The following LRRC7 variants were observed in gnomAD, a reference collection of about 807,000 sequenced individuals.
LRRC7 encodes the protein leucine-rich repeat-containing protein 7.
In LRRC7, 23 loss-of-function variants were observed where a neutral mutation model predicts 175.7. That is an observed-to-expected ratio of 0.13 (90% CI 0.09 to 0.19). The LOEUF (loss-of-function observed/expected upper bound fraction) is 0.19, where lower values mean the gene tolerates loss of function less well. Among genes scored for constraint, LRRC7 ranks in the 10% least tolerant of loss-of-function variants. The pLI is 1.00. For missense variants in LRRC7, 1,354 were observed against 1,904.7 expected (o/e 0.71, Z 5.38); for synonymous variants, 685 against 680.9 (o/e 1.01, Z -0.09).
chr1:69,766,322 A>G lies in LRRC7; in HGVS notation c.303+5929A>G, dbSNP rs144492538. On this transcript the variant is annotated intron_variant, in intron 3 of 26. Transcript: ENST00000651989. The stretch of plus-strand genomic sequence containing the variant: ...AAACCTATTTGCTCTAATGAACAGA[A>G]GACAAAGAGAGCAATTTACTGTGTA... Among the ~76,000 whole-genome samples, 156 of 152,274 alleles carry G rather than the reference A, an allele frequency of 1.0e-3. 2 individuals are homozygous for G. Among genetic ancestry groups the G allele is most frequent in the African/African-American group, 3.6e-3 (148 of 41,572 alleles).
intron 16 of LRRC7, among the ~76,000 whole-genome samples, chr1:70,021,819 T>C (rs1485404263): frequency 6.6e-6 from 1 of 152,200 alleles, no homozygotes; most frequent in Non-Finnish European, 1.5e-5. Flanking sequence ...TCAGAATTGA[T>C]TTAGATTTTC....
In LRRC7 at chr1:69,799,102, G is replaced by GTTT. The variant is rs34579269; in HGVS notation, c.421+6956_421+6958dup. Among the ~76,000 whole-genome samples, 371 of 136,112 alleles carry GTTT rather than the reference G, an allele frequency of 2.7e-3. 2 individuals are homozygous for GTTT. The highest frequency in any genetic ancestry group is 9.7e-3 in the African/African-American group (361 of 37,154). The allele number at this position is 136,112 out of a possible 152,430, so 89.3% of individuals were successfully genotyped here. On this transcript the variant is annotated intron_variant, in intron 4 of 26. Coordinates refer to ENST00000651989, the MANE Select transcript of LRRC7 (RefSeq NM_001370785.2). ...AAAGATTTATATACTCTGAATGCTAGTTTTTTTTTTTTTTTTGATTATGTG... is the reference window on the plus strand; with the variant it reads ...AAAGATTTATATACTCTGAATGCTAGTTTTTTTTTTTTTTTTTTTGATTATGTG...
At chr1:70,053,939 A>G (rs1660935354) in intron 23 of LRRC7, among the ~76,000 whole-genome samples, 1 of 152,188 alleles carries the variant, frequency 6.6e-6, no homozygotes, top group Non-Finnish European at 1.5e-5. Flanking sequence ...TGCCATTTAC[A>G]TTTACTAGAC....
At chr1:69,589,334 A>G (rs1646538127) in intron 1 of LRRC7, among the ~76,000 whole-genome samples, 2 of 152,086 alleles carry the variant, frequency 1.3e-5, no homozygotes, top group African/African-American at 4.8e-5. Context: ...TCACTCAGGT[A>G]TCTATATTTT....
At chr1:70,007,572 CTTATT>C (rs774044657) in intron 11 of LRRC7, among the ~76,000 whole-genome samples, 36 of 152,140 alleles carry the variant, frequency 2.4e-4, no homozygotes, top group Middle Eastern at 6.8e-3. Context: ...AGAATTAAGG[CTTATT>C]TTAATTTAAA....
At chr1:69,596,437 C>T (rs762539745) in intron 1 of LRRC7, among the ~76,000 whole-genome samples, 18 of 152,156 alleles carry the variant, frequency 1.2e-4, no homozygotes, top group Non-Finnish European at 2.1e-4. Context: ...CTTATTTCTT[C>T]ACAGAGGTCA....
chr1:69,602,885 T>C (rs1394067361), intron 1 of LRRC7, among the ~76,000 whole-genome samples: 1 of 152,254 alleles, frequency 6.6e-6, no homozygotes, highest in Admixed American at 6.5e-5. Context: ...AATACCATTA[T>C]GTTACAATTG....
chr1:69,878,823 A>T (rs1331535655), intron 7 of LRRC7, among the ~76,000 whole-genome samples: 2 of 148,800 alleles, frequency 1.3e-5, no homozygotes, highest in African/African-American at 2.4e-5. Context: ...TATATATATA[A>T]AAGAACAAGC....
At chr1:69,768,496 C>T (rs1209645414) in intron 3 of LRRC7, among the ~76,000 whole-genome samples, 3 of 152,186 alleles carry the variant, frequency 2.0e-5, no homozygotes, top group Non-Finnish European at 4.4e-5. Flanking sequence ...CATTGTGTCT[C>T]TAAGAGATAT....
chr1:69,950,741 A>G (rs1441944692), intron 8 of LRRC7, among the ~76,000 whole-genome samples: 1 of 152,106 alleles, frequency 6.6e-6, no homozygotes, highest in African/African-American at 2.4e-5. Context: ...TACAGCCAGA[A>G]CTAAGGTGGA....
intron 24 of LRRC7, among the ~76,000 whole-genome samples, chr1:70,078,798 GCGCGCGCGCGCGCACACA>G (rs1427100696): frequency 2.0e-5 from 2 of 101,274 alleles, no homozygotes; most frequent in South Asian, 7.2e-4. Context: ...ATATACGCGC[GCGCGCGCGCGCGCACACA>G]CACACACGCA....
At chr1:69,627,017 A>C (rs935474092) in intron 1 of LRRC7, among the ~76,000 whole-genome samples, 2 of 152,108 alleles carry the variant, frequency 1.3e-5, no homozygotes, top group Non-Finnish European at 2.9e-5. Flanking sequence ...TATTGTGAAT[A>C]GTGCCACAAT....
intron 7 of LRRC7, among the ~76,000 whole-genome samples, chr1:69,845,614 C>G (rs1292928047): frequency 6.6e-6 from 1 of 151,954 alleles, no homozygotes; most frequent in East Asian, 1.9e-4. Context: ...GTATTCTTAA[C>G]TGGACAGGTG....
chr1:70,013,452 G>A (rs560525204), intron 13 of LRRC7, among the ~76,000 whole-genome samples: 59 of 151,938 alleles, frequency 3.9e-4, no homozygotes, highest in Non-Finnish European at 6.6e-4. Flanking sequence ...ATGTATGTAT[G>A]CACACATTTG....
chr1:69,910,859 G>A (rs529585572), intron 7 of LRRC7, among the ~76,000 whole-genome samples: 1 of 152,358 alleles, frequency 6.6e-6, no homozygotes, highest in East Asian at 1.9e-4. Context: ...CCCAGTTTGA[G>A]CTTCCTGGCT....
intron 22 of LRRC7, among the ~76,000 whole-genome samples, chr1:70,049,681 G>T (rs1457287578): frequency 1.3e-5 from 2 of 151,928 alleles, no homozygotes; most frequent in African/African-American, 4.8e-5. Flanking sequence ...AATAACTTGG[G>T]CATTATATTA....
intron 24 of LRRC7, among the ~76,000 whole-genome samples, chr1:70,082,764 A>C (rs1663296922): frequency 1.9e-5 from 2 of 106,454 alleles, no homozygotes; most frequent in Non-Finnish European, 2.1e-5. Context: ...TTTATTAGTC[A>C]ATCTTGATAC....
Position 70,128,108 on chromosome 1 carries a change from C to T in LRRC7, c.*6221C>T, listed in dbSNP as rs571756995. On this transcript the variant is annotated 3_prime_UTR_variant, in exon 27 of 27. Coordinates refer to ENST00000651989, the MANE Select transcript of LRRC7 (RefSeq NM_001370785.2). ...TCCTGAGTAGCTGGGATTACAGGTGCGTGCCACCACACTGGGCTAATTTTT... is the reference window on the plus strand; with the variant it reads ...TCCTGAGTAGCTGGGATTACAGGTGTGTGCCACCACACTGGGCTAATTTTT... 1.9e-4 allele frequency among the ~76,000 whole-genome samples: 29 copies of T among 152,140 alleles called. No homozygotes were observed. Among genetic ancestry groups the T allele is most frequent in the African/African-American group, 3.4e-4 (14 of 41,508 alleles).
intron 20 of LRRC7, among the ~76,000 whole-genome samples, 190 bp downstream of exon 20, chr1:70,036,814 A>G (rs1659362843): frequency 6.6e-6 from 1 of 152,178 alleles, no homozygotes; most frequent in African/African-American, 2.4e-5. Flanking sequence ...GGGAGAGGCC[A>G]TTGGTTAAGG....
Sources: allele counts gnomAD v4.1 joint callset (sites outside exome capture counted in the v4.1 genomes callset), GRCh38; gene constraint gnomAD v4.1.1; transcripts MANE v1.5; gene names NCBI Gene and HGNC (gene_info 2026-07-23, HGNC 2026-07-21).